REM2: variants seen among roughly 807,000 people sequenced by gnomAD.
The protein encoded by REM2 is GTP-binding protein REM 2.
Under a neutral mutation model 24.4 loss-of-function variants are expected in REM2, and 24 were observed. The ratio of observed to expected loss-of-function variants is 0.98; its 90% CI spans 0.71 to 1.38. REM2 has a LOEUF of 1.38. REM2 is among the 40% of genes most tolerant of loss of function. REM2 has a pLI of 0.00. For missense variants in REM2, 429 were observed against 467.8 expected (o/e 0.92, Z 0.77); for synonymous variants, 187 against 198.0 (o/e 0.94, Z 0.47).
chr14:22,884,679 G>A lies in REM2; in HGVS notation c.109G>A (p.Asp37Asn), dbSNP rs778534880. The A allele has an allele frequency of 6.3e-7, 1 of 1,595,452 alleles. No individual in the cohort carries two copies. The highest frequency in any genetic ancestry group is 1.1e-5 in the South Asian group (1 of 89,578). Residue 37 changes from aspartate to asparagine, a missense_variant, in exon 2 of 5, where the codon GAT (aspartate) becomes AAT (asparagine). Transcript: ENST00000267396. The part of the protein sequence containing the change: ...SPPGTPTPEA[D>N]ATLLKKSEKL... ...GCCCTCCCATTTTATTTTAGAAGCA[G>A]ATGCCACGCTACTAAAGAAGTCAGA...
At position 22,884,792 on chromosome 14, in the gene REM2, G is replaced by C. The variant is rs2040106338; in HGVS notation, c.222G>C (p.Lys74Asn). The change falls in exon 2 of 5, where the codon AAG (lysine) becomes AAC (asparagine). Residue 74 changes from lysine (K) to asparagine (N), a missense_variant. Physicochemically the swap from Lys to Asn is moderately conservative, Grantham distance 94. Coordinates refer to ENST00000267396, the MANE Select transcript of REM2 (RefSeq NM_173527.3). ...RRRGSMPVPY[K>N]HQLRRAQAVD... Reference sequence around the variant, plus strand: ...GAGGCAGTATGCCTGTCCCCTACAAGCACCAGCTCCGGCGGGCCCAGGCTG... The same window carrying C: ...GAGGCAGTATGCCTGTCCCCTACAACCACCAGCTCCGGCGGGCCCAGGCTG... 2 of 1,614,020 alleles carry C rather than the reference G, an allele frequency of 1.2e-6. No homozygotes were observed. Among genetic ancestry groups the C allele is most frequent in the Non-Finnish European group, 1.7e-6 (2 of 1,179,890 alleles).
chr14:22,885,489 G>T (rs1339846882), intron 3 of REM2, 150 bp downstream of exon 3: 2 of 647,668 alleles, frequency 3.1e-6, no homozygotes, highest in Non-Finnish European at 5.6e-6. Flanking sequence ...AGAAAGCAAA[G>T]ACCCACACTA....
In REM2 at chr14:22,886,318, C is replaced by T. The variant is rs1032187005; in HGVS notation, c.727+87C>T. The T allele has an allele frequency of 3.7e-5, 45 of 1,228,436 alleles. 3 individuals are homozygous for T. The South Asian group carries it at 5.8e-4, about 16-fold the overall frequency. 76.1% of individuals were successfully genotyped at this position (1,228,436 alleles called of 1,614,324 possible). ...ACCTCTTCTCCCTAAGGCCTTTTTA[C>T]CATCGCGGACGCACTCACTTGCAAT... is the stretch of plus-strand genomic sequence containing the variant. On this transcript the variant is annotated intron_variant, in intron 4 of 4. Coordinates refer to ENST00000267396, the MANE Select transcript of REM2 (RefSeq NM_173527.3). The surrounding 1 kb of genome is among the most constrained non-coding windows in gnomAD (Gnocchi z 5.9).
chr14:22,884,615 T>C (rs2040103419), intron 1 of REM2, 59 bp from the exon 2 acceptor site: 2 of 1,531,662 alleles, frequency 1.3e-6, no homozygotes, highest in Non-Finnish European at 1.8e-6. Flanking sequence ...GCCTTCTGCA[T>C]ATGGTTGAGC....
chr14:22,886,167 C>T lies in REM2; in HGVS notation c.663C>T (p.Asp221=). Residue 221 remains aspartate (D), a synonymous_variant, in exon 4 of 5, where the codon GAC becomes GAT. Coordinates refer to ENST00000267396, the MANE Select transcript of REM2 (RefSeq NM_173527.3). This position sits in a 1 kb window ranked among gnomAD's most constrained non-coding sequence, Gnocchi z 5.9. ...TCCGGGCTGGGAGGCCGCACCACGA[C>T]CTACCCGTTATCCTCGTTGGAAACA... is the stretch of plus-strand genomic sequence containing the variant. ...LRLRAGRPHH[D]LPVILVGNKS... The T allele has an allele frequency of 6.2e-7, 1 of 1,613,984 alleles. No homozygotes were observed. The highest frequency in any genetic ancestry group is 8.5e-7 in the Non-Finnish European group (1 of 1,179,876).
chr14:22,884,247 G>T, intron 1 of REM2: 1 of 985,454 alleles, frequency 1.0e-6, no homozygotes, highest in Non-Finnish European at 1.2e-6. Context: ...TCAGTTTGGG[G>T]ATTACCAGTG....
rs764143490 is a variant in REM2 at position 22,886,205 on chromosome 14, C to T, written c.701C>T (p.Ala234Val). ...VILVGNKSDL[A>V]RSREVSLEEG... The stretch of plus-strand genomic sequence containing the variant: ...CTCGTTGGAAACAAGAGCGACTTGG[C>T]CCGCTCCCGGGAGGTATCACTGGAG... Residue 234 changes from alanine to valine, a missense_variant, in exon 4 of 5, where the codon GCC becomes GTC. Physicochemically the swap from Ala to Val is moderately conservative, Grantham distance 64. Transcript: ENST00000267396. This position sits in a 1 kb window ranked among gnomAD's most constrained non-coding sequence, Gnocchi z 5.9. 1 of 1,613,276 alleles carries T rather than the reference C, an allele frequency of 6.2e-7. No individual in the cohort carries two copies.
chr14:22,885,004 C>A lies in REM2; in HGVS notation c.434C>A (p.Pro145Gln), dbSNP rs186131311. The A allele has an allele frequency of 6.5e-7, 1 of 1,533,410 alleles. No homozygotes were observed. The highest frequency in any genetic ancestry group is 1.3e-5 in the South Asian group (1 of 77,894). 95.0% of individuals were successfully genotyped at this position (1,533,410 alleles called of 1,614,324 possible). The change falls in exon 2 of 5, where the codon CCG becomes CAG. Residue 145 changes from proline (P) to glutamine (Q), a missense_variant. Pro to Gln is a moderately conservative substitution (Grantham distance 76). Transcript: ENST00000267396. Reference sequence around the variant, plus strand: ...CTCCAGGGAGACAGTGCTCACGAACCGGAGAACCCAGGTATTTGGGGAAGC... The same window carrying A: ...CTCCAGGGAGACAGTGCTCACGAACAGGAGAACCCAGGTATTTGGGGAAGC... ...GGLQGDSAHE[P>Q]ENPEDTYERR...
rs775515596 is a variant in REM2 at position 22,884,943 on chromosome 14, G to A, written c.373G>A (p.Val125Met). 3.9e-5 allele frequency: 62 copies of A among 1,597,744 alleles called. No individual in the cohort carries two copies. Among genetic ancestry groups the A allele is most frequent in the Non-Finnish European group, 5.1e-5 (60 of 1,169,206 alleles). Reference sequence around the variant, plus strand: ...GGTCATGCTAGTGGGGGAGAGCGGCGTGGGCAAGAGCACCCTAGCAGGCAC... The same window carrying A: ...GGTCATGCTAGTGGGGGAGAGCGGCATGGGCAAGAGCACCCTAGCAGGCAC... ...FKVMLVGESG[V>M]GKSTLAGTFG... Residue 125 changes from valine (V) to methionine (M), a missense_variant, in exon 2 of 5, where the codon GTG becomes ATG. Val to Met is a conservative substitution (Grantham distance 21, BLOSUM62 1). Transcript: ENST00000267396.
Position 22,886,962 on chromosome 14 carries a change from G to T in REM2, c.*53G>T. On this transcript the variant is annotated 3_prime_UTR_variant, in exon 5 of 5. Transcript: ENST00000267396. This position sits in a 1 kb window ranked among gnomAD's most constrained non-coding sequence, Gnocchi z 5.9. Reference sequence around the variant, plus strand: ...GCCATGGTCACCGCGCCCTCCGCTCGCCCCCCCTCGCCCCGCCCCGCCCCC... The same window carrying T: ...GCCATGGTCACCGCGCCCTCCGCTCTCCCCCCCTCGCCCCGCCCCGCCCCC... 1.5e-6 allele frequency: 2 copies of T among 1,297,016 alleles called. No homozygotes were observed. Among genetic ancestry groups the T allele is most frequent in the Non-Finnish European group, 2.0e-6 (2 of 991,018 alleles). 80.3% of individuals were successfully genotyped at this position (1,297,016 alleles called of 1,614,324 possible).
At position 22,884,692 on chromosome 14, in the gene REM2, TA is replaced by T; in HGVS notation, c.125del (p.Lys42ArgfsTer42). On this transcript the variant is annotated frameshift_variant, in exon 2 of 5. Transcript: ENST00000267396. LOFTEE classifies it high-confidence loss of function. Reference sequence around the variant, plus strand: ...ATTTTAGAAGCAGATGCCACGCTACTAAAGAAGTCAGAGAAACTGTTGGCAG... The same window carrying T: ...ATTTTAGAAGCAGATGCCACGCTACTAAGAAGTCAGAGAAACTGTTGGCAG... ...TPTPEADATLLKKSEKLLAEL... is the reference protein window; with the variant it reads ...TPTPEADATLXKKSEKLLAEL... 6.2e-7 allele frequency: 1 copy of T among 1,608,080 alleles called. No individual in the cohort carries two copies. Among genetic ancestry groups the T allele is most frequent in the Non-Finnish European group, 8.5e-7 (1 of 1,177,402 alleles).
chr14:22,884,240 G>A, intron 1 of REM2: 4 of 985,450 alleles, frequency 4.1e-6, no homozygotes, highest in Non-Finnish European at 4.8e-6. Context: ...CTGCTCCTCA[G>A]TTTGGGGATT....
In REM2 at chr14:22,884,307, C is replaced by T. The variant is rs1223535461; in HGVS notation, c.104-367C>T. 3.0e-6 allele frequency: 3 copies of T among 985,310 alleles called. No individual in the cohort carries two copies. In the African/African-American group the frequency reaches 5.2e-5, roughly 17 times the overall value. 61.0% of individuals were successfully genotyped at this position (985,310 alleles called of 1,614,324 possible). A position where few individuals can be genotyped will look rare whatever the true frequency, so the allele number is the denominator to read the frequency against. On this transcript the variant is annotated intron_variant, in intron 1 of 4. Coordinates refer to ENST00000267396, the MANE Select transcript of REM2 (RefSeq NM_173527.3). Reference sequence around the variant, plus strand: ...TCTTGATGGAAAAAGAGGCAGCTTCCCCAAACCTCCCCCAACTCCACCGTA... The same window carrying T: ...TCTTGATGGAAAAAGAGGCAGCTTCTCCAAACCTCCCCCAACTCCACCGTA...
chr14:22,886,349 C>T lies in REM2; in HGVS notation c.727+118C>T, dbSNP rs151307955. ...CGGACGCACTCACTTGCAATCAGAC[C>T]CAGGCTAGGGGGACACTCCCAATGC... On this transcript the variant is annotated intron_variant, in intron 4 of 4. Coordinates refer to ENST00000267396, the MANE Select transcript of REM2 (RefSeq NM_173527.3). The surrounding 1 kb of genome is among the most constrained non-coding windows in gnomAD (Gnocchi z 5.9). The T allele has an allele frequency of 1.5e-3, 1,419 of 955,532 alleles. 3 individuals carry two copies. The highest frequency in any genetic ancestry group is 2.3e-3 in the South Asian group (152 of 66,654). The allele number at this position is 955,532 out of a possible 1,614,324, so 59.2% of individuals were successfully genotyped here. A position where few individuals can be genotyped will look rare whatever the true frequency, so the allele number is the denominator to read the frequency against.
chr14:22,887,019 A>G lies in REM2; in HGVS notation c.*110A>G, dbSNP rs2040137515. On this transcript the variant is annotated 3_prime_UTR_variant, in exon 5 of 5. Transcript: ENST00000267396. ...CTTCCTTGGTGGAGGCCGTCTAGGA[A>G]ACCAAAAACTCCCAGGATGCCCCGG... 10 of 1,030,450 alleles carry G rather than the reference A, an allele frequency of 9.7e-6. No homozygotes were observed. Among genetic ancestry groups the G allele is most frequent in the Non-Finnish European group, 7.9e-6 (6 of 756,532 alleles). The allele number at this position is 1,030,450 out of a possible 1,614,324, so 63.8% of individuals were successfully genotyped here. A position where few individuals can be genotyped will look rare whatever the true frequency, so the allele number is the denominator to read the frequency against.
rs1001984754 is a variant in REM2 at position 22,883,267 on chromosome 14, C to T, written c.-21C>T. The T allele has an allele frequency of 1.8e-5, 20 of 1,093,084 alleles. No homozygotes were observed. The highest frequency in any genetic ancestry group is 6.1e-5 in the African/African-American group (4 of 65,498). The allele number at this position is 1,093,084 out of a possible 1,614,324, so 67.7% of individuals were successfully genotyped here. The stretch of plus-strand genomic sequence containing the variant: ...CGAGCTGCTGGGCTGCACACGCACA[C>T]GCACACGCACACGCACACTGATGCA... On this transcript the variant is annotated 5_prime_UTR_variant, in exon 1 of 5. The change creates a new upstream start codon in the 5' untranslated region. Transcript: ENST00000267396.
At chr14:22,884,148 G>C (rs1234118601) in intron 1 of REM2, 1 of 985,190 alleles carries the variant, frequency 1.0e-6, no homozygotes, top group Non-Finnish European at 1.2e-6. Flanking sequence ...CCCTTTCCTA[G>C]GAAGAAGCTC....
At chr14:22,884,357 G>T in intron 1 of REM2, 1 of 985,446 alleles carries the variant, frequency 1.0e-6, no homozygotes, top group Non-Finnish European at 1.2e-6. Context: ...TAGTCTGGGG[G>T]TTTGCCTGTG....
rs1309814419 is a variant in REM2, at chr14:22,886,609, T to A, written c.728-5T>A. The A allele has an allele frequency of 2.1e-6, 3 of 1,448,324 alleles. No homozygotes were observed. The South Asian group carries it at 4.4e-5, about 21-fold the overall frequency. 89.7% of individuals were successfully genotyped at this position (1,448,324 alleles called of 1,614,324 possible). ...GCGGGCGCCTGAGCCGGTGCCTTCC[T>A]GCAGAGGGCCGCCACCTGGCCGGGA... is the stretch of plus-strand genomic sequence containing the variant. On this transcript the variant is annotated splice_region_variant and splice_polypyrimidine_tract_variant and intron_variant, in intron 4 of 4. Coordinates refer to ENST00000267396, the MANE Select transcript of REM2 (RefSeq NM_173527.3). The surrounding 1 kb of genome is among the most constrained non-coding windows in gnomAD (Gnocchi z 5.9).
Sources: gnomAD v4.1 joint callset for allele counts on GRCh38, gnomAD v4.1.1 for gene constraint, Gnocchi (gnomAD v3.1) non-coding constraint, MANE v1.5 for transcripts, NCBI Gene and HGNC (gene_info 2026-07-23, HGNC 2026-07-21) for gene names.